ADI1: variants seen among roughly 807,000 people sequenced by gnomAD.
The protein encoded by ADI1 is acireductone dioxygenase.
A neutral mutation model predicts 18.7 loss-of-function variants in ADI1; 21 were observed. The ratio of observed to expected loss-of-function variants is 1.13; its 90% CI spans 0.80 to 1.62. The LOEUF (loss-of-function observed/expected upper bound fraction) is 1.62. Ranked by LOEUF, ADI1 falls within the 40% of genes most tolerant of loss-of-function variation. ADI1 has a pLI of 0.00. For synonymous variants in ADI1, 90 were observed against 100.1 expected, an observed-to-expected ratio of 0.90 and a Z score of 0.60; for missense variants, 245 against 254.9, an observed-to-expected ratio of 0.96 and a Z score of 0.26.
chr2:3,498,754 G>A lies in ADI1; in HGVS notation c.*209C>T, dbSNP rs370228060. ...CCATGGACCCACCAGTCTTGATTGA[G>A]TTACAGAAAATGAAGGTGACTCTTT... On this transcript the variant is annotated 3_prime_UTR_variant, in exon 4 of 4. Transcript: ENST00000327435. 1.4e-5 allele frequency: 10 copies of A among 707,144 alleles called. No homozygotes were observed. In the African/African-American group the frequency reaches 1.4e-4, roughly 10 times the overall value. The allele number at this position is 707,144 out of a possible 1,614,324, so 43.8% of individuals were successfully genotyped here.
intron 1 of ADI1, chr2:3,514,847 C>T (rs977161820): frequency 1.1e-5 from 17 of 1,548,306 alleles, no homozygotes; most frequent in Admixed American, 5.9e-5. Context: ...TCAGGGACCC[C>T]GAATGGAGGG....
rs184347289 is a variant in ADI1, at chr2:3,510,182, G to A, written c.240+3675C>T. Among the ~76,000 whole-genome samples the A allele has an allele frequency of 7.1e-3, 1,082 of 151,734 alleles. 16 individuals are homozygous for A. Among genetic ancestry groups the A allele is most frequent in the African/African-American group, 0.023 (937 of 41,364 alleles). Reference sequence around the variant, plus strand: ...AAAAAAAAATTAGCCTGGCATGGTGGCACATACCTGTAGTCCTAGCTACTC... The same window carrying A: ...AAAAAAAAATTAGCCTGGCATGGTGACACATACCTGTAGTCCTAGCTACTC... On this transcript the variant is annotated intron_variant, in intron 2 of 3. Coordinates refer to ENST00000327435, the MANE Select transcript of ADI1 (RefSeq NM_018269.4).
Position 3,514,716 on chromosome 2 carries a change from A to G in ADI1, c.121-740T>C, listed in dbSNP as rs971299835. ...CTTCCCTGATGAAGCTCCAGGCAGA[A>G]TTCATCTGAACTCTTATTTAAAACT... is the stretch of plus-strand genomic sequence containing the variant. On this transcript the variant is annotated intron_variant, in intron 1 of 3. Coordinates refer to ENST00000327435, the MANE Select transcript of ADI1 (RefSeq NM_018269.4). The G allele has an allele frequency of 4.1e-6, 6 of 1,465,272 alleles. No individual in the cohort carries two copies. In the African/African-American group the frequency reaches 8.5e-5, roughly 21 times the overall value. 90.8% of individuals were successfully genotyped at this position (1,465,272 alleles called of 1,614,324 possible).
intron 1 of ADI1, chr2:3,515,783 C>A (rs1667394698): frequency 7.5e-6 from 4 of 532,404 alleles, no homozygotes; most frequent in Non-Finnish European, 9.6e-6. Context: ...GATGTCACCC[C>A]TGGCGGCCCA....
chr2:3,515,101 C>A (rs1667370902), intron 1 of ADI1: 1 of 290,580 alleles, frequency 3.4e-6, no homozygotes, highest in African/African-American at 2.2e-5. Context: ...AATAAAATAA[C>A]AGCGATTTTT....
intron 1 of ADI1, 91 bp downstream of exon 1, chr2:3,519,277 C>T: frequency 2.3e-6 from 3 of 1,310,742 alleles, no homozygotes; most frequent in Non-Finnish European, 1.9e-6. Flanking sequence ...GGCTCCCAGG[C>T]CGCTGCCCGG....
intron 1 of ADI1, 142 bp downstream of exon 1, chr2:3,519,226 G>T: frequency 1.6e-6 from 2 of 1,223,008 alleles, no homozygotes; most frequent in Non-Finnish European, 2.1e-6. Context: ...GAGCCGCCAC[G>T]AACCCCCAAA....
chr2:3,506,145 G>C (rs939785607), intron 2 of ADI1, among the ~76,000 whole-genome samples: 4 of 152,194 alleles, frequency 2.6e-5, no homozygotes, highest in Non-Finnish European at 5.9e-5. Context: ...TCTGAGAAAC[G>C]CTGGTGAAGT....
chr2:3,501,703 T>C (rs1389808056), intron 2 of ADI1, among the ~76,000 whole-genome samples: 1 of 152,058 alleles, frequency 6.6e-6, no homozygotes, highest in Non-Finnish European at 1.5e-5. Flanking sequence ...AATTTTTGTA[T>C]TCTCAGTAGA....
chr2:3,505,938 C>G (rs9677924), intron 2 of ADI1, among the ~76,000 whole-genome samples: 74,092 of 152,138 alleles, frequency 0.49, 21,125 homozygotes, highest in African/African-American at 0.81. Context: ...GGAAGCAGCT[C>G]TCACAAGACA....
chr2:3,510,853 A>G (rs1346266577), intron 2 of ADI1, among the ~76,000 whole-genome samples: 4 of 152,224 alleles, frequency 2.6e-5, no homozygotes, highest in Admixed American at 6.5e-5. Context: ...ATCTCCAAAC[A>G]TAAGGAAAGA....
At chr2:3,506,585 A>G (rs1014639232) in intron 2 of ADI1, among the ~76,000 whole-genome samples, 2 of 152,258 alleles carry the variant, frequency 1.3e-5, no homozygotes, top group African/African-American at 4.8e-5. Flanking sequence ...GTTCATGAAT[A>G]GGAAGACTCA....
chr2:3,500,635 A>G, intron 3 of ADI1, 179 bp downstream of exon 3: 1 of 797,924 alleles, frequency 1.3e-6, no homozygotes, highest in Non-Finnish European at 2.0e-6. Flanking sequence ...ACGGAAGGAC[A>G]GCTGTCACCT....
At chr2:3,501,189 C>T (rs561842624) in intron 2 of ADI1, among the ~76,000 whole-genome samples, 196 bp from the exon 3 acceptor site, 1 of 152,284 alleles carries the variant, frequency 6.6e-6, no homozygotes, top group Admixed American at 6.5e-5. Context: ...TTTTATGAAA[C>T]CTGTCAACAA....
At chr2:3,519,173 C>T in intron 1 of ADI1, 195 bp downstream of exon 1, 1 of 776,788 alleles carries the variant, frequency 1.3e-6, no homozygotes, top group Non-Finnish European at 1.8e-6. Flanking sequence ...CCCTGACCAC[C>T]CAGCCCCACT....
chr2:3,513,748 G>A (rs886627613), intron 2 of ADI1, 109 bp downstream of exon 2: 20 of 1,205,836 alleles, frequency 1.7e-5, no homozygotes, highest in Non-Finnish European at 2.2e-5. Context: ...TTATAGCAAA[G>A]CAAGAATGGC....
intron 2 of ADI1, among the ~76,000 whole-genome samples, chr2:3,510,300 G>C (rs1410210368): frequency 1.3e-5 from 2 of 151,984 alleles, no homozygotes; most frequent in Non-Finnish European, 2.9e-5. Flanking sequence ...GGGTGGCAGA[G>C]CAAAGTAATA....
At chr2:3,513,607 C>A (rs1020082420) in intron 2 of ADI1, among the ~76,000 whole-genome samples, 1 of 152,136 alleles carries the variant, frequency 6.6e-6, no homozygotes, top group African/African-American at 2.4e-5. Context: ...TGCCTTCTGC[C>A]ATGTAAGCTT....
intron 2 of ADI1, among the ~76,000 whole-genome samples, chr2:3,501,655 G>A (rs1349833284): frequency 1.3e-5 from 2 of 151,744 alleles, no homozygotes; most frequent in African/African-American, 4.8e-5. Flanking sequence ...TGCCTCCCAA[G>A]TAGCTGGGAT....
Sources: gnomAD v4.1 joint callset for allele counts (sites outside exome capture counted in the v4.1 genomes callset) on GRCh38, gnomAD v4.1.1 for gene constraint, MANE v1.5 for transcripts, NCBI Gene and HGNC (gene_info 2026-07-23, HGNC 2026-07-21) for gene names.